RGSL1: variants seen among roughly 807,000 people sequenced by gnomAD.
The protein encoded by RGSL1 is regulator of G protein signaling like 1.
A neutral mutation model predicts 124.7 loss-of-function variants in RGSL1; 97 were observed. That is an observed-to-expected ratio of 0.78 (90% CI 0.66 to 0.92). The LOEUF (loss-of-function observed/expected upper bound fraction) is 0.92. Among genes scored for constraint, RGSL1 ranks in the 40% least tolerant of loss-of-function variants. The probability of loss-of-function intolerance (pLI) is 0.00; values close to 1 mark genes in which losing one functional copy is unlikely to be tolerated. For missense variants in RGSL1, 1,233 were observed against 1,288.4 expected (o/e 0.96, Z 0.66); for synonymous variants, 424 against 438.1 (o/e 0.97, Z 0.40).
intron 4 of RGSL1, 75 bp downstream of exon 4, chr1:182,460,208 CATA>C (rs1652704254): frequency 1.4e-6 from 2 of 1,461,924 alleles, no homozygotes; most frequent in East Asian, 2.5e-5. Flanking sequence ...AGTCACACTT[CATA>C]ATAATCTTAT....
At chr1:182,541,572 C>A (rs1659893960) in intron 15 of RGSL1, among the ~76,000 whole-genome samples, 2 of 152,104 alleles carry the variant, frequency 1.3e-5, no homozygotes, top group African/African-American at 4.8e-5. Flanking sequence ...TACTCATTTT[C>A]TTTCCTTTGG....
chr1:182,486,268 GAAAT>G lies in RGSL1; in HGVS notation c.1432-2012_1432-2009del, dbSNP rs937112421. On this transcript the variant is annotated intron_variant, in intron 6 of 21. Coordinates refer to ENST00000294854, the MANE Select transcript of RGSL1 (RefSeq NM_001137669.2). ...TGCTCTATTAAGCATTGTTTCTTAA[GAAAT>G]AAATTTATTTATCTATTAATTATTA... is the stretch of plus-strand genomic sequence containing the variant. Among the ~76,000 whole-genome samples, 12 of 149,592 alleles carry G rather than the reference GAAAT, an allele frequency of 8.0e-5. 1 individual carries two copies. The highest frequency in any genetic ancestry group is 3.5e-3 in the Middle Eastern group (1 of 286).
intron 14 of RGSL1, among the ~76,000 whole-genome samples, chr1:182,535,141 A>G (rs1659449117): frequency 6.6e-6 from 1 of 152,196 alleles, no homozygotes. Context: ...GCCAAGAAAT[A>G]GAAAATGGCA....
chr1:182,540,459 G>A (rs751328680), intron 15 of RGSL1, 38 bp downstream of exon 15: 37 of 1,530,280 alleles, frequency 2.4e-5, no homozygotes, highest in Non-Finnish European at 2.8e-5. Flanking sequence ...CCCTGAAAAT[G>A]ACTTTTCATC....
intron 9 of RGSL1, among the ~76,000 whole-genome samples, chr1:182,502,920 T>C (rs567171428): frequency 3.3e-5 from 5 of 152,316 alleles, no homozygotes; most frequent in East Asian, 3.9e-4. Flanking sequence ...CCCAACCTCA[T>C]TGATCAGAGA....
At chr1:182,508,081 T>A (rs1656961354) in intron 9 of RGSL1, among the ~76,000 whole-genome samples, 1 of 152,150 alleles carries the variant, frequency 6.6e-6, no homozygotes, top group Non-Finnish European at 1.5e-5. Context: ...TAGTTCTATT[T>A]TTAATTTTCC....
At chr1:182,453,202 A>C (rs147253190) in intron 1 of RGSL1, among the ~76,000 whole-genome samples, 5 of 152,342 alleles carry the variant, frequency 3.3e-5, no homozygotes, top group African/African-American at 1.2e-4. Flanking sequence ...TCAAATTAAT[A>C]TTCAAGAAAG....
At chr1:182,478,321 T>A (rs1302988311) in intron 6 of RGSL1, among the ~76,000 whole-genome samples, 2 of 152,002 alleles carry the variant, frequency 1.3e-5, no homozygotes, top group Non-Finnish European at 2.9e-5. Context: ...CAGAAAAACA[T>A]GCATCAATAA....
intron 4 of RGSL1, among the ~76,000 whole-genome samples, chr1:182,466,682 CAT>C (rs1482786336): frequency 6.6e-6 from 1 of 152,086 alleles, no homozygotes; most frequent in East Asian, 1.9e-4. Context: ...TTAAAGAAGA[CAT>C]AAACAAATGC....
At chr1:182,460,898 A>T in intron 4 of RGSL1, 2 of 368,132 alleles carry the variant, frequency 5.4e-6, no homozygotes, top group South Asian at 4.1e-5. Context: ...GCCCCATGGC[A>T]CACAGTTGTG....
chr1:182,486,815 A>C (rs1360442333), intron 6 of RGSL1, among the ~76,000 whole-genome samples: 1 of 152,120 alleles, frequency 6.6e-6, no homozygotes, highest in African/African-American at 2.4e-5. Flanking sequence ...AGCTGGGATT[A>C]CAGGCATGTG....
In RGSL1 at chr1:182,493,069, A is replaced by G. The variant is rs1393795555; in HGVS notation, c.1765A>G (p.Met589Val). 7.7e-6 allele frequency: 12 copies of G among 1,551,836 alleles called. No individual in the cohort carries two copies. The South Asian group carries it at 1.3e-4, about 17-fold the overall frequency. ...FEELCYKNPK[M>V]AIQKISDDYK... ...GGAGCTTTGCTACAAGAACCCAAAGATGGCCATACAGAAGATCAGTGATGA... is the reference window on the plus strand; with the variant it reads ...GGAGCTTTGCTACAAGAACCCAAAGGTGGCCATACAGAAGATCAGTGATGA... The change falls in exon 9 of 22, where the codon ATG becomes GTG. Residue 589 changes from methionine (M) to valine (V), a missense_variant. Met to Val is a conservative substitution (Grantham distance 21). Coordinates refer to ENST00000294854, the MANE Select transcript of RGSL1 (RefSeq NM_001137669.2).
At chr1:182,492,088 T>C (rs1251986038) in intron 8 of RGSL1, among the ~76,000 whole-genome samples, 1 of 152,228 alleles carries the variant, frequency 6.6e-6, no homozygotes, top group Non-Finnish European at 1.5e-5. Context: ...GGTAAGTTAA[T>C]TCTGAAAGTA....
chr1:182,456,754 G>C (rs1228155633), intron 2 of RGSL1, among the ~76,000 whole-genome samples: 1 of 152,220 alleles, frequency 6.6e-6, no homozygotes, highest in East Asian at 1.9e-4. Flanking sequence ...CCTATAAAGA[G>C]AGACAGCAGT....
At chr1:182,449,189 A>G (rs1413125356), upstream of RGSL1, 1 of 152,226 alleles carries the variant, frequency 6.6e-6, no homozygotes, top group African/African-American at 2.4e-5. Context: ...CTCATCTTGC[A>G]ATACATAGAA....
intron 8 of RGSL1, among the ~76,000 whole-genome samples, chr1:182,491,818 A>G (rs1351894363): frequency 2.6e-5 from 4 of 151,676 alleles, no homozygotes; most frequent in Non-Finnish European, 5.9e-5. Context: ...ATTTAGATAT[A>G]CTCTAAATCC....
At chr1:182,496,731 G>C (rs1655941569) in intron 9 of RGSL1, among the ~76,000 whole-genome samples, 1 of 152,298 alleles carries the variant, frequency 6.6e-6, no homozygotes, top group South Asian at 2.1e-4. Flanking sequence ...TTTCAGAAAA[G>C]TATTTTCAAG....
chr1:182,458,445 T>C, intron 3 of RGSL1, 52 bp downstream of exon 3: 1 of 1,376,192 alleles, frequency 7.3e-7, no homozygotes, highest in South Asian at 1.3e-5. Flanking sequence ...ATGAGGGAAC[T>C]ATAATTGTTT....
intron 14 of RGSL1, among the ~76,000 whole-genome samples, chr1:182,534,140 T>C (rs775507785): frequency 1.3e-5 from 2 of 152,218 alleles, no homozygotes; most frequent in Admixed American, 1.3e-4. Flanking sequence ...AATTGTGTGT[T>C]TCTATGAAAC....
Sources: gnomAD v4.1 joint callset for allele counts (sites outside exome capture counted in the v4.1 genomes callset) on GRCh38, gnomAD v4.1.1 for gene constraint, MANE v1.5 for transcripts, NCBI Gene and HGNC (gene_info 2026-07-23, HGNC 2026-07-21) for gene names.